CDC42BPA: variants seen among roughly 807,000 people sequenced by gnomAD.
CDC42BPA encodes serine/threonine-protein kinase MRCK alpha.
In CDC42BPA, 80 loss-of-function variants were observed where a neutral mutation model predicts 223.5. The ratio of observed to expected loss-of-function variants is 0.36; its 90% CI spans 0.30 to 0.43. The LOEUF (loss-of-function observed/expected upper bound fraction) is 0.43. Ranked by LOEUF, CDC42BPA falls within the 20% of genes least tolerant of loss-of-function variation. CDC42BPA has a pLI of 1.00. For synonymous variants in CDC42BPA, 694 were observed against 718.6 expected, an observed-to-expected ratio of 0.97 and a Z score of 0.55; for missense variants, 1,743 against 2,099.9, an observed-to-expected ratio of 0.83 and a Z score of 3.32.
At chr1:227,231,828 G>A (rs1392102582) in intron 2 of CDC42BPA, among the ~76,000 whole-genome samples, 1 of 152,164 alleles carries the variant, frequency 6.6e-6, no homozygotes, top group Non-Finnish European at 1.5e-5. Flanking sequence ...TTTTGATGGG[G>A]TTGTTTGATT....
chr1:227,256,415 C>G (rs1683030495), intron 1 of CDC42BPA, among the ~76,000 whole-genome samples: 1 of 152,074 alleles, frequency 6.6e-6, no homozygotes, highest in Non-Finnish European at 1.5e-5. Flanking sequence ...TAGCAAACCA[C>G]CATGGCACAT....
At chr1:227,146,117 T>C (rs1660665448) in intron 7 of CDC42BPA, among the ~76,000 whole-genome samples, 1 of 152,126 alleles carries the variant, frequency 6.6e-6, no homozygotes, top group Non-Finnish European at 1.5e-5. Context: ...AATAAATATT[T>C]TTAAAGGACA....
intron 21 of CDC42BPA, chr1:227,068,327 C>T (rs555012845): frequency 5.3e-5 from 8 of 149,848 alleles, no homozygotes; most frequent in South Asian, 2.1e-4. Flanking sequence ...AAATAGAAAT[C>T]GCCAGGAAAA....
At chr1:227,314,676 T>C (rs573762902) in intron 1 of CDC42BPA, among the ~76,000 whole-genome samples, 10 of 151,886 alleles carry the variant, frequency 6.6e-5, no homozygotes, top group East Asian at 1.9e-4. Flanking sequence ...GCTGACACTT[T>C]CATTAATATA....
intron 1 of CDC42BPA, among the ~76,000 whole-genome samples, chr1:227,291,435 G>C (rs1372737742): frequency 6.6e-6 from 1 of 152,134 alleles, no homozygotes; most frequent in Non-Finnish European, 1.5e-5. Flanking sequence ...TGTCATCCCA[G>C]CTACTCAGGA....
chr1:227,047,935 G>A lies in CDC42BPA; in HGVS notation c.3085C>T (p.Pro1029Ser). The A allele has an allele frequency of 6.2e-7, 1 of 1,602,640 alleles. No homozygotes were observed. The highest frequency in any genetic ancestry group is 8.5e-7 in the Non-Finnish European group (1 of 1,170,224). Residue 1029 changes from proline to serine, a missense_variant, in exon 23 of 37, where the codon CCA becomes TCA. This residue lies in a region of CDC42BPA where 678 missense variants were observed against 777.5 expected (regional missense o/e 0.87). Coordinates refer to ENST00000366766, the MANE Select transcript of CDC42BPA (RefSeq NM_001394014.1). ...KKGCPGSTGF[P>S]PKRKTHQFFV... Reference sequence around the variant, plus strand: ...ATAACTAGATTGAGTACCTTAGGTGGAAAGCCAGTTGAACCAGGACATCCT... The same window carrying A: ...ATAACTAGATTGAGTACCTTAGGTGAAAAGCCAGTTGAACCAGGACATCCT...
At chr1:227,041,043 A>C (rs528093850) in intron 23 of CDC42BPA, among the ~76,000 whole-genome samples, 2 of 152,204 alleles carry the variant, frequency 1.3e-5, no homozygotes, top group South Asian at 2.1e-4. Context: ...CTTATCTACA[A>C]AACAGGATAA....
chr1:227,149,810 A>C (rs1022549903), intron 6 of CDC42BPA, among the ~76,000 whole-genome samples: 10 of 152,242 alleles, frequency 6.6e-5, no homozygotes, highest in African/African-American at 2.4e-4. Flanking sequence ...CAAGTTCAAC[A>C]TAGTATAAGA....
intron 1 of CDC42BPA, among the ~76,000 whole-genome samples, chr1:227,293,748 T>C (rs925825802): frequency 9.2e-5 from 14 of 151,834 alleles, no homozygotes; most frequent in African/African-American, 3.1e-4. Flanking sequence ...GAGGTGGAGG[T>C]TGCAGTGAGC....
chr1:227,275,141 T>C (rs530771040), intron 1 of CDC42BPA, among the ~76,000 whole-genome samples: 2 of 151,878 alleles, frequency 1.3e-5, no homozygotes, highest in South Asian at 4.1e-4. Flanking sequence ...TACTGGAGTA[T>C]GATACAAATA....
chr1:227,301,893 TAA>T (rs1054331405), intron 1 of CDC42BPA, among the ~76,000 whole-genome samples: 8 of 152,318 alleles, frequency 5.3e-5, no homozygotes, highest in East Asian at 1.9e-4. Flanking sequence ...TATAACCATA[TAA>T]GTTATTACTT....
intron 1 of CDC42BPA, among the ~76,000 whole-genome samples, chr1:227,271,995 G>A (rs1446566488): frequency 6.6e-6 from 1 of 152,094 alleles, no homozygotes; most frequent in Non-Finnish European, 1.5e-5. Context: ...TTTCTATCCA[G>A]CTGGTAAGAA....
chr1:227,269,518 T>G (rs890851122), intron 1 of CDC42BPA, among the ~76,000 whole-genome samples: 2 of 151,986 alleles, frequency 1.3e-5, no homozygotes, highest in Non-Finnish European at 2.9e-5. Context: ...AAAAGAAGAT[T>G]TATCTATATG....
At chr1:227,294,386 T>G (rs967260198) in intron 1 of CDC42BPA, among the ~76,000 whole-genome samples, 1 of 152,106 alleles carries the variant, frequency 6.6e-6, no homozygotes, top group Non-Finnish European at 1.5e-5. Flanking sequence ...AAGAAGAGCT[T>G]AAGATCACAC....
intron 1 of CDC42BPA, among the ~76,000 whole-genome samples, chr1:227,286,006 C>G (rs973989468): frequency 1.3e-5 from 2 of 152,202 alleles, no homozygotes; most frequent in Non-Finnish European, 2.9e-5. Context: ...ATGGGAAGGA[C>G]AGCCTGGAAG....
chr1:227,161,111 T>C (rs1026229158), intron 5 of CDC42BPA, among the ~76,000 whole-genome samples: 3 of 152,190 alleles, frequency 2.0e-5, no homozygotes, highest in African/African-American at 2.4e-5. Flanking sequence ...CTTCATAAAG[T>C]TGATTTTACA....
rs1350386312 is a variant in CDC42BPA, at chr1:227,016,216, G to C, written c.4740-19C>G. 6 of 1,276,948 alleles carry C rather than the reference G, an allele frequency of 4.7e-6. No individual in the cohort carries two copies. The highest frequency in any genetic ancestry group is 6.8e-6 in the Non-Finnish European group (6 of 877,198). The allele number at this position is 1,276,948 out of a possible 1,614,324, so 79.1% of individuals were successfully genotyped here. On this transcript the variant is annotated intron_variant, in intron 33 of 36. Transcript: ENST00000366766. ...CATTTCCCTGTAAGACAAGGCATCT[G>C]TTTAGATACTTTTTCCACAGTTAAT...
In CDC42BPA at chr1:227,199,615, T is replaced by C. The variant is rs745630957; in HGVS notation, c.392A>G (p.Asn131Ser). Residue 131 changes from asparagine (N) to serine (S), a missense_variant, in exon 4 of 37, where the codon AAT (asparagine) becomes AGT (serine). Coordinates refer to ENST00000366766, the MANE Select transcript of CDC42BPA (RefSeq NM_001394014.1). ...GGTTGTAATCCATTTATTGTCTCCA[T>C]TCACTAATACATCCCTTTCTTCACG... ...CFREERDVLV[N>S]GDNKWITTLH... 1 of 1,608,886 alleles carries C rather than the reference T, an allele frequency of 6.2e-7. No homozygotes were observed. Among genetic ancestry groups the C allele is most frequent in the South Asian group, 1.1e-5 (1 of 90,568 alleles).
At chr1:227,203,589 CT>C (rs1193761148) in intron 3 of CDC42BPA, among the ~76,000 whole-genome samples, 1 of 152,088 alleles carries the variant, frequency 6.6e-6, no homozygotes, top group African/African-American at 2.4e-5. Context: ...TATCTCCCCC[CT>C]TTAAAAACAG....
Sources: allele counts gnomAD v4.1 joint callset (sites outside exome capture counted in the v4.1 genomes callset), GRCh38; gene constraint gnomAD v4.1.1; regional missense constraint gnomAD v4.1.1; transcripts MANE v1.5; gene names NCBI Gene and HGNC (gene_info 2026-07-23, HGNC 2026-07-21).